Variants in ASXL3 observed in about 807,000 individuals in gnomAD.
ASXL3 encodes the protein ASXL transcriptional regulator 3.
In ASXL3, 34 loss-of-function variants were observed where a neutral mutation model predicts 170.6. That is an observed-to-expected ratio of 0.20 (90% CI 0.15 to 0.27). ASXL3 has a LOEUF of 0.27. Ranked by LOEUF, ASXL3 falls within the 10% of genes least tolerant of loss-of-function variation. The pLI, the probability that ASXL3 is intolerant of heterozygous loss-of-function variation, is 1.00. For synonymous variants in ASXL3, 1,002 were observed against 989.1 expected (o/e 1.01, Z -0.24); for missense variants, 2,592 against 2,695.3 (o/e 0.96, Z 0.85).
intron 2 of ASXL3, among the ~76,000 whole-genome samples, chr18:33,612,413 G>A (rs577380226): frequency 7.9e-5 from 12 of 152,098 alleles, no homozygotes; most frequent in African/African-American, 2.2e-4. Context: ...TGTGTTTAGC[G>A]TTCCTCAGAA....
intron 8 of ASXL3, among the ~76,000 whole-genome samples, chr18:33,718,829 A>G (rs1462831576): frequency 6.6e-6 from 1 of 151,922 alleles, no homozygotes; most frequent in East Asian, 1.9e-4. Context: ...TCTATTGGCT[A>G]TAAGCAAGTC....
rs377013381 is a variant in ASXL3, at chr18:33,740,287, A to G, written c.2883A>G (p.Ile961Met). ...GAAATGAAAGTAGAGATTCAGAGAT[A>G]TCAAAGAGAAAAACTGCAGAGCAAC... ...GIRNESRDSE[I>M]SKRKTAEQHS... is the part of the protein sequence containing the mutation. The change falls in exon 11 of 12, where the codon ATA becomes ATG. Residue 961 changes from isoleucine (I) to methionine (M), a missense_variant. Transcript: ENST00000269197. 6.2e-7 allele frequency: 1 copy of G among 1,612,662 alleles called. No individual in the cohort carries two copies.
chr18:33,738,701 A>G lies in ASXL3; in HGVS notation c.1297A>G (p.Ile433Val). 6.2e-7 allele frequency: 1 copy of G among 1,614,016 alleles called. No individual in the cohort carries two copies. Among genetic ancestry groups the G allele is most frequent in the South Asian group, 1.1e-5 (1 of 91,090 alleles). Reference sequence around the variant, plus strand: ...TATGGTAGAAATTCCACCTAAAGATATAATGGCAGAATTGGAGTCAGAGGA... The same window carrying G: ...TATGGTAGAAATTCCACCTAAAGATGTAATGGCAGAATTGGAGTCAGAGGA... ...CPMVEIPPKD[I>V]MAELESEDIL... Residue 433 changes from isoleucine to valine, a missense_variant, in exon 11 of 12, where the codon ATA (isoleucine) becomes GTA (valine). Ile to Val is a conservative substitution (Grantham distance 29). Transcript: ENST00000269197.
At chr18:33,646,185 G>T in intron 3 of ASXL3, 60 bp from the exon 4 acceptor site, 1 of 1,293,118 alleles carries the variant, frequency 7.7e-7, no homozygotes, top group South Asian at 1.2e-5. Flanking sequence ...CAAGTATTTT[G>T]AATGTTTTTA....
intron 1 of ASXL3, among the ~76,000 whole-genome samples, chr18:33,598,357 A>T (rs939738115): frequency 1.3e-5 from 2 of 152,116 alleles, no homozygotes; most frequent in African/African-American, 4.8e-5. Context: ...AAAACTTATT[A>T]TATGTCCCAT....
At chr18:33,721,679 G>A (rs1238859392) in intron 8 of ASXL3, among the ~76,000 whole-genome samples, 7 of 152,018 alleles carry the variant, frequency 4.6e-5, no homozygotes, top group Admixed American at 4.6e-4. Context: ...AATTTACTTT[G>A]TGTTCACTTT....
Position 33,727,456 on chromosome 18 carries a change from G to A in ASXL3, c.880-4512G>A, listed in dbSNP as rs2040203. On this transcript the variant is annotated intron_variant, in intron 8 of 11. Coordinates refer to ENST00000269197, the MANE Select transcript of ASXL3 (RefSeq NM_030632.3). ...CATTCCTTAAAATGTATGTTAATAGGATCCATACCAAAGACAAATGATATA... is the reference window on the plus strand; with the variant it reads ...CATTCCTTAAAATGTATGTTAATAGAATCCATACCAAAGACAAATGATATA... Among the ~76,000 whole-genome samples, 338 of 151,950 alleles carry A rather than the reference G, an allele frequency of 2.2e-3. 1 individual carries two copies. Among genetic ancestry groups the A allele is most frequent in the Middle Eastern group, 6.9e-3 (2 of 290 alleles).
At chr18:33,697,940 A>C (rs943097558) in intron 8 of ASXL3, among the ~76,000 whole-genome samples, 1 of 152,002 alleles carries the variant, frequency 6.6e-6, no homozygotes, top group Non-Finnish European at 1.5e-5. Flanking sequence ...GTGACCTATA[A>C]CTACATTGTT....
intron 1 of ASXL3, among the ~76,000 whole-genome samples, chr18:33,583,646 C>T (rs560096538): frequency 7.2e-5 from 11 of 151,924 alleles, no homozygotes; most frequent in East Asian, 1.9e-4. Flanking sequence ...TATTTCCTGC[C>T]GACATTAAGT....
intron 1 of ASXL3, among the ~76,000 whole-genome samples, chr18:33,603,025 G>A (rs1389429335): frequency 6.6e-6 from 1 of 152,070 alleles, no homozygotes; most frequent in Non-Finnish European, 1.5e-5. Context: ...AGAAAGCCTG[G>A]TCACTGATAC....
intron 8 of ASXL3, among the ~76,000 whole-genome samples, chr18:33,713,590 CATAT>C: frequency 6.6e-6 from 1 of 152,100 alleles, no homozygotes; most frequent in Middle Eastern, 3.4e-3. Flanking sequence ...AAATATATGT[CATAT>C]ATTATGTAAA....
chr18:33,652,583 T>G (rs2066016851), intron 4 of ASXL3, among the ~76,000 whole-genome samples: 2 of 136,198 alleles, frequency 1.5e-5, no homozygotes, highest in Non-Finnish European at 3.1e-5. Context: ...GAATTAGTAT[T>G]TTAAAAGTTT....
rs1172882188 is a variant in ASXL3, at chr18:33,739,719, C to T, written c.2315C>T (p.Pro772Leu). 1 of 1,613,882 alleles carries T rather than the reference C, an allele frequency of 6.2e-7. No homozygotes were observed. Among genetic ancestry groups the T allele is most frequent in the South Asian group, 1.1e-5 (1 of 91,082 alleles). ...ATGGCACATCAGCAAAGAAAGTCAC[C>T]TTCTGTATCTGAAGAGCCACTCTCC... ...ERMAHQQRKS[P>L]SVSEEPLSPQ... is the part of the protein sequence containing the mutation. The change falls in exon 11 of 12, where the codon CCT (proline) becomes CTT (leucine). Residue 772 changes from proline to leucine, a missense_variant. Physicochemically the swap from Pro to Leu is moderately conservative, Grantham distance 98 (BLOSUM62 -3). This residue lies in a region of ASXL3 where 2,246 missense variants were observed against 2,219.6 expected (regional missense o/e 1.01). Transcript: ENST00000269197.
At chr18:33,674,525 T>C (rs2066394843) in intron 7 of ASXL3, among the ~76,000 whole-genome samples, 1 of 152,142 alleles carries the variant, frequency 6.6e-6, no homozygotes, top group Admixed American at 6.5e-5. Flanking sequence ...AGTAGTACTT[T>C]CAAAGTTTCC....
intron 1 of ASXL3, among the ~76,000 whole-genome samples, chr18:33,598,488 G>T (rs1221588644): frequency 1.3e-5 from 2 of 152,048 alleles, no homozygotes; most frequent in African/African-American, 4.8e-5. Context: ...TATCTGCTCT[G>T]ACAAACTCAT....
In ASXL3 at chr18:33,740,241, C is replaced by T. The variant is rs1411695944; in HGVS notation, c.2837C>T (p.Ser946Phe). The change falls in exon 11 of 12, where the codon TCC becomes TTC. Residue 946 changes from serine (S) to phenylalanine (F), a missense_variant. Ser to Phe is a radical substitution (Grantham distance 155, BLOSUM62 -2). Around this residue, in one of 4 missense-constraint regions of ASXL3, gnomAD observed 2,246 missense variants for 2,219.6 expected, o/e 1.01. Coordinates refer to ENST00000269197, the MANE Select transcript of ASXL3 (RefSeq NM_030632.3). ...CATACTTCCAAGTCATCAGAGCCCT[C>T]CAAGTCACCTGATGGGATAAGAAAT... ...TSHTSKSSEP[S>F]KSPDGIRNES... The T allele has an allele frequency of 6.2e-7, 1 of 1,613,640 alleles. No individual in the cohort carries two copies. The highest frequency in any genetic ancestry group is 1.7e-5 in the Admixed American group (1 of 59,982).
rs377243058 is a variant in ASXL3, at chr18:33,744,929, C to T, written c.5081C>T (p.Pro1694Leu). The T allele has an allele frequency of 2.0e-5, 32 of 1,613,852 alleles. No homozygotes were observed. In the African/African-American group the frequency reaches 2.0e-4, roughly 10 times the overall value. Residue 1694 changes from proline (P) to leucine (L), a missense_variant, in exon 12 of 12, where the codon CCG becomes CTG. Around this residue, in one of 4 missense-constraint regions of ASXL3, gnomAD observed 2,246 missense variants for 2,219.6 expected, o/e 1.01. Coordinates refer to ENST00000269197, the MANE Select transcript of ASXL3 (RefSeq NM_030632.3). Reference protein sequence around the residue: ...EDFPGPELPPPAAEGASSVQQ... With the variant: ...EDFPGPELPPLAAEGASSVQQ... ...TTCCCTGGCCCTGAGCTGCCTCCTC[C>T]GGCTGCAGAGGGAGCCTCTAGTGTA...
intron 2 of ASXL3, among the ~76,000 whole-genome samples, chr18:33,643,516 G>T (rs975665442): frequency 2.6e-5 from 4 of 151,828 alleles, no homozygotes; most frequent in Non-Finnish European, 5.9e-5. Flanking sequence ...ATTCAATGGA[G>T]TCATATTTAT....
intron 8 of ASXL3, among the ~76,000 whole-genome samples, chr18:33,696,263 T>C (rs1041580745): frequency 2.6e-5 from 4 of 152,158 alleles, no homozygotes; most frequent in Non-Finnish European, 5.9e-5. Flanking sequence ...GTTGTAAAAT[T>C]TGTTAAAGTT....
Sources: gnomAD v4.1 joint callset for allele counts (sites outside exome capture counted in the v4.1 genomes callset) on GRCh38, gnomAD v4.1.1 for gene constraint, gnomAD v4.1.1 regional missense constraint, MANE v1.5 for transcripts, NCBI Gene and HGNC (gene_info 2026-07-23, HGNC 2026-07-21) for gene names.